Variants in RPS6KA2 observed in about 807,000 individuals in gnomAD.
The protein encoded by RPS6KA2 is ribosomal protein S6 kinase alpha-2.
In RPS6KA2, 42 loss-of-function variants were observed where a neutral mutation model predicts 91.8. The observed-to-expected ratio is 0.46, with a 90% CI of 0.36 to 0.59. The LOEUF (loss-of-function observed/expected upper bound fraction) is 0.59, where lower values mean the gene tolerates loss of function less well. Ranked by LOEUF, RPS6KA2 falls within the 20% of genes least tolerant of loss-of-function variation. The probability of loss-of-function intolerance (pLI) is 0.00; values close to 1 mark genes in which losing one functional copy is unlikely to be tolerated. For synonymous variants in RPS6KA2, 414 were observed against 393.6 expected (o/e 1.05, Z -0.61); for missense variants, 798 against 978.5 (o/e 0.82, Z 2.46).
intron 2 of RPS6KA2, among the ~76,000 whole-genome samples, chr6:166,647,113 G>A (rs1405233421): frequency 1.3e-5 from 2 of 152,050 alleles, no homozygotes; most frequent in South Asian, 2.1e-4. Context: ...ATCGTTCTGA[G>A]TCATGCCGAT....
At chr6:166,799,122 T>C (rs1779297589) in intron 2 of RPS6KA2, among the ~76,000 whole-genome samples, 1 of 152,242 alleles carries the variant, frequency 6.6e-6, no homozygotes, top group African/African-American at 2.4e-5. Flanking sequence ...CCATCTTTCA[T>C]TCCCATTTAT....
intron 2 of RPS6KA2, among the ~76,000 whole-genome samples, chr6:166,846,929 T>A (rs755650504): frequency 6.6e-6 from 1 of 152,154 alleles, no homozygotes; most frequent in Non-Finnish European, 1.5e-5. Context: ...TGTCACTGTT[T>A]GCTGATAATA....
At chr6:166,839,174 C>A (rs1780395557) in intron 2 of RPS6KA2, among the ~76,000 whole-genome samples, 1 of 152,210 alleles carries the variant, frequency 6.6e-6, no homozygotes, top group South Asian at 2.1e-4. Context: ...CTCACAGCCA[C>A]CCGCTGGGGG....
chr6:166,439,159 A>T (rs563762212), intron 14 of RPS6KA2, among the ~76,000 whole-genome samples: 24 of 152,244 alleles, frequency 1.6e-4, no homozygotes, highest in African/African-American at 4.1e-4. Flanking sequence ...CCCAGGCTGG[A>T]GTGCATGGCA....
chr6:166,847,600 A>G (rs1780638913), intron 2 of RPS6KA2, among the ~76,000 whole-genome samples: 1 of 152,204 alleles, frequency 6.6e-6, no homozygotes, highest in African/African-American at 2.4e-5. Context: ...TCAAGAAATA[A>G]AGCCAAATAT....
At chr6:166,800,611 T>G (rs1303450095) in intron 2 of RPS6KA2, among the ~76,000 whole-genome samples, 1 of 152,162 alleles carries the variant, frequency 6.6e-6, no homozygotes, top group Non-Finnish European at 1.5e-5. Context: ...AAATGGGTCC[T>G]CACCAGACAC....
At chr6:166,478,305 T>TAC (rs1477567296) in intron 10 of RPS6KA2, among the ~76,000 whole-genome samples, 1 of 152,224 alleles carries the variant, frequency 6.6e-6, no homozygotes, top group Non-Finnish European at 1.5e-5. Flanking sequence ...AGGCAGAGAC[T>TAC]ACACAGATTT....
At chr6:166,572,542 A>T (rs1784720172) in intron 1 of RPS6KA2, among the ~76,000 whole-genome samples, 1 of 152,246 alleles carries the variant, frequency 6.6e-6, no homozygotes, top group African/African-American at 2.4e-5. Context: ...GGACTCTAGG[A>T]TGATGTTCTC....
intron 2 of RPS6KA2, among the ~76,000 whole-genome samples, chr6:166,802,501 A>C (rs893368061): frequency 6.6e-6 from 1 of 152,212 alleles, no homozygotes; most frequent in African/African-American, 2.4e-5. Flanking sequence ...AAGAGATAGA[A>C]GCTCTCACAT....
At chr6:166,553,612 G>A (rs970666990) in intron 1 of RPS6KA2, among the ~76,000 whole-genome samples, 3 of 151,266 alleles carry the variant, frequency 2.0e-5, no homozygotes, top group Non-Finnish European at 2.9e-5. Flanking sequence ...GACCCGCCCC[G>A]CCAGCCCTCT....
Position 166,714,361 on chromosome 6 carries a change from A to G in RPS6KA2, c.123+143839T>C, listed in dbSNP as rs1249162928. On this transcript the variant is annotated intron_variant, in intron 2 of 21. Coordinates refer to the RPS6KA2 transcript ENST00000503859. Reference sequence around the variant, plus strand: ...GGTCCTGGGAAGAGACAGCTGTGAGATGGAGGCAGTAGGAGGTGAAAGAAA... The same window carrying G: ...GGTCCTGGGAAGAGACAGCTGTGAGGTGGAGGCAGTAGGAGGTGAAAGAAA... Among the ~76,000 whole-genome samples the G allele has an allele frequency of 2.0e-5, 3 of 152,210 alleles. 1 individual carries two copies. Among genetic ancestry groups the G allele is most frequent in the South Asian group, 2.1e-4 (1 of 4,832 alleles).
rs1562416191 is a variant in RPS6KA2 at position 166,748,590 on chromosome 6, ATT to A, written c.123+109608_123+109609del. 4.6e-3 allele frequency among the ~76,000 whole-genome samples: 164 copies of A among 35,366 alleles called. 1 individual carries two copies. Among genetic ancestry groups the A allele is most frequent in the South Asian group, 7.7e-3 (7 of 914 alleles). The allele number at this position is 35,366 out of a possible 152,430, so 23.2% of individuals were successfully genotyped here. On this transcript the variant is annotated intron_variant, in intron 2 of 21. Coordinates refer to the RPS6KA2 transcript ENST00000503859. ...CAGGCCCCCACCTCCTCGGGCCCCC[ATT>A]TCCTCAGGCCCCCATTTCCCTGGGC...
upstream of RPS6KA2, among the ~76,000 whole-genome samples, chr6:166,631,817 G>A (rs1787087039): frequency 6.6e-6 from 1 of 152,200 alleles, no homozygotes; most frequent in African/African-American, 2.4e-5. Flanking sequence ...TAGACACAGC[G>A]GAGCAGAGAC....
At chr6:166,649,202 C>T (rs982688338) in intron 2 of RPS6KA2, among the ~76,000 whole-genome samples, 5 of 152,334 alleles carry the variant, frequency 3.3e-5, no homozygotes, top group African/African-American at 4.8e-5. Context: ...ATCTGCCCCT[C>T]GCGTTCCTGC....
intron 10 of RPS6KA2, among the ~76,000 whole-genome samples, chr6:166,485,394 T>C (rs1400858159): frequency 6.6e-6 from 1 of 152,064 alleles, no homozygotes; most frequent in Non-Finnish European, 1.5e-5. Context: ...TGTCCTGAAG[T>C]GGGTTGAGAT....
chr6:166,646,770 A>G lies in RPS6KA2; in HGVS notation c.124-107986T>C, dbSNP rs535296284. ...CTACCAAGCAAACCCTTTTGTCCTCACCCCTTTTGAATCTCCTTTGAGATC... is the reference window on the plus strand; with the variant it reads ...CTACCAAGCAAACCCTTTTGTCCTCGCCCCTTTTGAATCTCCTTTGAGATC... On this transcript the variant is annotated intron_variant, in intron 2 of 21. Coordinates refer to the RPS6KA2 transcript ENST00000503859. 7.2e-5 allele frequency among the ~76,000 whole-genome samples: 11 copies of G among 152,044 alleles called. No homozygotes were observed. In the South Asian group the frequency reaches 2.3e-3, roughly 32 times the overall value.
chr6:166,497,615 G>A (rs1222573397), intron 8 of RPS6KA2, among the ~76,000 whole-genome samples: 2 of 152,242 alleles, frequency 1.3e-5, no homozygotes, highest in Non-Finnish European at 2.9e-5. Context: ...AAGGACCAGC[G>A]AGGCCCTGGG....
At chr6:166,518,411 A>C (rs1036448558) in intron 3 of RPS6KA2, among the ~76,000 whole-genome samples, 1 of 152,192 alleles carries the variant, frequency 6.6e-6, no homozygotes, top group Admixed American at 6.5e-5. Context: ...CCATTCAAAA[A>C]GATTATAAAA....
chr6:166,660,560 A>G (rs939095702), intron 2 of RPS6KA2, among the ~76,000 whole-genome samples: 1 of 152,238 alleles, frequency 6.6e-6, no homozygotes, highest in Non-Finnish European at 1.5e-5. Context: ...CTCCTGCCTC[A>G]TAAGGATAAA....
Sources: allele counts gnomAD v4.1 joint callset (sites outside exome capture counted in the v4.1 genomes callset), GRCh38; gene constraint gnomAD v4.1.1; transcripts MANE v1.5; gene names NCBI Gene and HGNC (gene_info 2026-07-23, HGNC 2026-07-21).